The following CYTH4 variants were observed in gnomAD, a reference collection of about 807,000 sequenced individuals.
CYTH4 encodes cytohesin 4, also known as cytohesin-4.
Under a neutral mutation model 57.5 loss-of-function variants are expected in CYTH4, and 22 were observed. The ratio of observed to expected loss-of-function variants is 0.38; its 90% CI spans 0.27 to 0.55. CYTH4 has a LOEUF of 0.55. Ranked by LOEUF, CYTH4 falls within the 20% of genes least tolerant of loss-of-function variation. The pLI, the probability that CYTH4 is intolerant of heterozygous loss-of-function variation, is 0.74. For missense variants in CYTH4, 420 were observed against 535.6 expected, an observed-to-expected ratio of 0.78 and a Z score of 2.13; for synonymous variants, 186 against 206.5, an observed-to-expected ratio of 0.90 and a Z score of 0.85.
chr22:37,315,289 TA>T lies in CYTH4; in HGVS notation c.*1780del, dbSNP rs1007038959. 6.6e-6 allele frequency: 1 copy of T among 152,272 alleles called. No homozygotes were observed. Among genetic ancestry groups the T allele is most frequent in the Non-Finnish European group, 1.5e-5 (1 of 68,126 alleles). 9.4% of individuals were successfully genotyped at this position (152,272 alleles called of 1,614,324 possible). The stretch of plus-strand genomic sequence containing the variant: ...GATGGGATCATGGATTTTCTGGGCA[TA>T]AGTGGCTGTTCTGGGAGTCATTCCA... On this transcript the variant is annotated 3_prime_UTR_variant, in exon 13 of 13. Transcript: ENST00000248901.
chr22:37,309,204 T>C lies in CYTH4; in HGVS notation c.697-8T>C. 1 of 1,613,630 alleles carries C rather than the reference T, an allele frequency of 6.2e-7. No homozygotes were observed. The highest frequency in any genetic ancestry group is 8.5e-7 in the Non-Finnish European group (1 of 1,179,642). Reference sequence around the variant, plus strand: ...AGCCAGGTCTTTCTCTCCCTTGTCTTGGGGCAGAACCTCTTCGACAGCATC... The same window carrying C: ...AGCCAGGTCTTTCTCTCCCTTGTCTCGGGGCAGAACCTCTTCGACAGCATC... On this transcript the variant is annotated splice_polypyrimidine_tract_variant and splice_region_variant and intron_variant, in intron 8 of 12. Coordinates refer to ENST00000248901, the MANE Select transcript of CYTH4 (RefSeq NM_013385.5).
intron 6 of CYTH4, among the ~76,000 whole-genome samples, chr22:37,300,583 G>A (rs1051551846): frequency 2.0e-5 from 3 of 152,236 alleles, no homozygotes; most frequent in South Asian, 2.1e-4. Flanking sequence ...GGCCAGGTGC[G>A]GGGAGCCACA....
intron 1 of CYTH4, among the ~76,000 whole-genome samples, chr22:37,287,430 C>A (rs182992571): frequency 2.1e-4 from 32 of 152,334 alleles, no homozygotes; most frequent in Admixed American, 1.7e-3. Flanking sequence ...TGGGCAGAAA[C>A]ACAACCCCAA....
chr22:37,285,864 A>G (rs1928538243), intron 1 of CYTH4, among the ~76,000 whole-genome samples: 1 of 152,170 alleles, frequency 6.6e-6, no homozygotes. Context: ...GCCCGGGGCC[A>G]TCATCACCCT....
intron 7 of CYTH4, among the ~76,000 whole-genome samples, chr22:37,301,722 A>C (rs6000655): frequency 7.6e-6 from 1 of 131,290 alleles, no homozygotes; most frequent in African/African-American, 3.0e-5. Context: ...GAGAGAAAGA[A>C]AGTCTGTCTC....
chr22:37,308,076 T>C (rs977830428), intron 8 of CYTH4, among the ~76,000 whole-genome samples: 5 of 152,090 alleles, frequency 3.3e-5, no homozygotes, highest in African/African-American at 1.2e-4. Flanking sequence ...CCAGCATAGG[T>C]CTGCTTAGGA....
At chr22:37,289,463 ACT>A (rs528280615) in intron 1 of CYTH4, among the ~76,000 whole-genome samples, 5 of 151,764 alleles carry the variant, frequency 3.3e-5, no homozygotes, top group Non-Finnish European at 5.9e-5. Flanking sequence ...TTGCGCCCAA[ACT>A]CTGAGCCAAC....
rs767776599 is a variant in CYTH4, at chr22:37,303,361, G to A, written c.655G>A (p.Gly219Ser). Reference sequence around the variant, plus strand: ...TGAGCGCTTTGTGTCCATGAACCGCGGCATCAACAATGGTAGCGACCTGCC... The same window carrying A: ...TGAGCGCTTTGTGTCCATGAACCGCAGCATCAACAATGGTAGCGACCTGCC... ...PFERFVSMNR[G>S]INNGSDLPED... Residue 219 changes from glycine (G) to serine (S), a missense_variant, in exon 8 of 13, where the codon GGC becomes AGC. By Grantham distance (56) the Gly-to-Ser change is moderately conservative. Transcript: ENST00000248901. 1.2e-5 allele frequency: 20 copies of A among 1,613,996 alleles called. No individual in the cohort carries two copies. Among genetic ancestry groups the A allele is most frequent in the Admixed American group, 3.3e-5 (2 of 59,970 alleles).
intron 1 of CYTH4, among the ~76,000 whole-genome samples, chr22:37,291,777 G>T (rs1040600217): frequency 2.6e-5 from 4 of 152,216 alleles, no homozygotes; most frequent in Non-Finnish European, 4.4e-5. Flanking sequence ...CATGAAGCAT[G>T]AAGATAGGAC....
Position 37,311,692 on chromosome 22 carries a change from C to A in CYTH4, c.957+165C>A. On this transcript the variant is annotated intron_variant, in intron 11 of 12. Transcript: ENST00000248901. The surrounding 1 kb of genome is among the most constrained non-coding windows in gnomAD (Gnocchi z 4.4). ...CTTCTCTCCCTCCTGGGGCCATGGACAGTGAGAAAAGGTCAATGTGGGTCC... is the reference window on the plus strand; with the variant it reads ...CTTCTCTCCCTCCTGGGGCCATGGAAAGTGAGAAAAGGTCAATGTGGGTCC... 1 of 733,398 alleles carries A rather than the reference C, an allele frequency of 1.4e-6. No individual in the cohort carries two copies. Among genetic ancestry groups the A allele is most frequent in the South Asian group, 1.7e-5 (1 of 59,496 alleles). The allele number at this position is 733,398 out of a possible 1,614,324, so 45.4% of individuals were successfully genotyped here. A position where few individuals can be genotyped will look rare whatever the true frequency, so the allele number is the denominator to read the frequency against.
At chr22:37,284,639 G>A (rs1928483476) in intron 1 of CYTH4, among the ~76,000 whole-genome samples, 1 of 152,164 alleles carries the variant, frequency 6.6e-6, no homozygotes, top group Admixed American at 6.5e-5. Context: ...TTGGGAGTTA[G>A]CCGGACCTCG....
intron 1 of CYTH4, among the ~76,000 whole-genome samples, chr22:37,285,530 A>AC (rs1225439916): frequency 6.6e-6 from 1 of 151,602 alleles, no homozygotes. Context: ...ACATGGTGAA[A>AC]CCCCCGTCTC....
At chr22:37,307,803 A>T (rs755340696) in intron 8 of CYTH4, among the ~76,000 whole-genome samples, 1 of 152,198 alleles carries the variant, frequency 6.6e-6, no homozygotes, top group Non-Finnish European at 1.5e-5. Flanking sequence ...TAGTTCTCCA[A>T]ACACTTGGCA....
intron 8 of CYTH4, 29 bp downstream of exon 8, chr22:37,303,431 G>T: frequency 6.2e-7 from 1 of 1,604,448 alleles, no homozygotes. Flanking sequence ...ACCCAGCCTG[G>T]CCCCGGGGAA....
At chr22:37,302,628 G>T (rs1034128515) in intron 7 of CYTH4, among the ~76,000 whole-genome samples, 1 of 152,140 alleles carries the variant, frequency 6.6e-6, no homozygotes, top group Admixed American at 6.5e-5. Context: ...ACTTCCCAAG[G>T]TCAACCAGAG....
In CYTH4 at chr22:37,311,111, C is replaced by T; in HGVS notation, c.885+47C>T. On this transcript the variant is annotated intron_variant, in intron 10 of 12. Transcript: ENST00000248901. This position sits in a 1 kb window ranked among gnomAD's most constrained non-coding sequence, Gnocchi z 4.4. ...CTTCCCCTGCCCCCGCCTCTCCCCG[C>T]ACAACCCACTTCCCAACTCCCACTG... 1.3e-6 allele frequency: 2 copies of T among 1,598,944 alleles called. No individual in the cohort carries two copies. The highest frequency in any genetic ancestry group is 1.7e-6 in the Non-Finnish European group (2 of 1,166,788).
Position 37,307,233 on chromosome 22 carries a change from C to T in CYTH4, c.697-1979C>T, listed in dbSNP as rs139262001. Among the ~76,000 whole-genome samples the T allele has an allele frequency of 2.1e-3, 315 of 152,342 alleles. 3 individuals carry two copies. Among genetic ancestry groups the T allele is most frequent in the African/African-American group, 7.2e-3 (300 of 41,582 alleles). On this transcript the variant is annotated intron_variant, in intron 8 of 12. Coordinates refer to ENST00000248901, the MANE Select transcript of CYTH4 (RefSeq NM_013385.5). ...GACAGGAAATGTGGGTGAACTCAGC[C>T]GTTTTCTTTGCGGGGGCAGAATGTA...
chr22:37,311,975 C>T lies in CYTH4; in HGVS notation c.958-45C>T. 2 of 1,596,170 alleles carry T rather than the reference C, an allele frequency of 1.3e-6. No individual in the cohort carries two copies. The highest frequency in any genetic ancestry group is 1.7e-6 in the Non-Finnish European group (2 of 1,168,278). ...TCTCTGAGCCTCCTGGAGGGCCCAC[C>T]CAGCCTCCCTCTCTTCCCACCCTTG... On this transcript the variant is annotated intron_variant, in intron 11 of 12. Coordinates refer to ENST00000248901, the MANE Select transcript of CYTH4 (RefSeq NM_013385.5). This position sits in a 1 kb window ranked among gnomAD's most constrained non-coding sequence, Gnocchi z 4.4.
intron 1 of CYTH4, among the ~76,000 whole-genome samples, chr22:37,291,851 T>C (rs1297986630): frequency 1.3e-5 from 2 of 152,222 alleles, no homozygotes; most frequent in East Asian, 3.8e-4. Context: ...ACAAATCTTA[T>C]TTCATTTAAT....
Sources: allele counts gnomAD v4.1 joint callset (sites outside exome capture counted in the v4.1 genomes callset), GRCh38; gene constraint gnomAD v4.1.1; non-coding constraint Gnocchi (gnomAD v3.1); transcripts MANE v1.5; gene names NCBI Gene and HGNC (gene_info 2026-07-23, HGNC 2026-07-21).